The following CUX1 variants were observed in gnomAD, a reference collection of about 807,000 sequenced individuals.
The protein encoded by CUX1 is protein CASP.
CUX1 carries 31 observed loss-of-function variants against 158.8 expected under a neutral mutation model. The ratio of observed to expected loss-of-function variants is 0.20; its 90% CI spans 0.15 to 0.26. CUX1 has a LOEUF of 0.26. Ranked by LOEUF, CUX1 falls within the 10% of genes least tolerant of loss-of-function variation. CUX1 has a pLI of 1.00. For synonymous variants in CUX1, 879 were observed against 862.1 expected, an observed-to-expected ratio of 1.02 and a Z score of -0.34; for missense variants, 1,589 against 2,014.6, an observed-to-expected ratio of 0.79 and a Z score of 4.04.
intron 2 of CUX1, among the ~76,000 whole-genome samples, chr7:101,986,554 G>C (rs1383810010): frequency 1.3e-5 from 2 of 152,130 alleles, no homozygotes; most frequent in African/African-American, 4.8e-5. Flanking sequence ...GGCTCCCCAG[G>C]CCCATCGCTG....
At chr7:102,049,707 G>A (rs413348) in intron 3 of CUX1, among the ~76,000 whole-genome samples, 116,838 of 152,008 alleles carry the variant, frequency 0.77, 45,171 homozygotes, top group East Asian at 0.99. Context: ...AAAGAAAAAC[G>A]GAAACCCATG....
At chr7:102,055,755 G>C (rs1476114047) in intron 3 of CUX1, among the ~76,000 whole-genome samples, 1 of 152,200 alleles carries the variant, frequency 6.6e-6, no homozygotes, top group African/African-American at 2.4e-5. Context: ...TCAAAAGCTA[G>C]AAATGATTAA....
In CUX1 at chr7:102,083,130, A is replaced by C. The variant is rs1169973615; in HGVS notation, c.268+12713A>C. 4.1e-5 allele frequency among the ~76,000 whole-genome samples: 6 copies of C among 147,194 alleles called. 1 individual carries two copies. Among genetic ancestry groups the C allele is most frequent in the Non-Finnish European group, 7.7e-5 (5 of 65,172 alleles). The stretch of plus-strand genomic sequence containing the variant: ...CTCATAAGAAATTGAGAGGAGTTCC[A>C]GTTGCTCCATGTCTTCTGTTTCATC... On this transcript the variant is annotated intron_variant, in intron 4 of 23. Transcript: ENST00000292535.
chr7:101,870,708 G>A (rs1039922767), intron 1 of CUX1, among the ~76,000 whole-genome samples: 14 of 152,192 alleles, frequency 9.2e-5, no homozygotes, highest in African/African-American at 3.4e-4. Context: ...TTACAGAGCG[G>A]CAAACAACCT....
chr7:102,200,406 G>C lies in CUX1; in HGVS notation c.2062+234G>C, dbSNP rs1305162758. Reference sequence around the variant, plus strand: ...TGCCTGTGCTGGAGTGCAGTGGCACGATCTCAGCTCACTGCAACCTCTGCC... The same window carrying C: ...TGCCTGTGCTGGAGTGCAGTGGCACCATCTCAGCTCACTGCAACCTCTGCC... On this transcript the variant is annotated intron_variant, in intron 17 of 23. Coordinates refer to ENST00000292535, the MANE Select transcript of CUX1 (RefSeq NM_181552.4). Among the ~76,000 whole-genome samples, 4 of 152,082 alleles carry C rather than the reference G, an allele frequency of 2.6e-5. No homozygotes were observed. In the East Asian group the frequency reaches 7.7e-4, roughly 29 times the overall value.
In CUX1 at chr7:102,204,523, G is replaced by A; in HGVS notation, c.3040G>A (p.Val1014Ile). The A allele has an allele frequency of 1.2e-6, 2 of 1,613,622 alleles. No individual in the cohort carries two copies. Among genetic ancestry groups the A allele is most frequent in the Non-Finnish European group, 1.7e-6 (2 of 1,180,016 alleles). ...LWLNGELGQG[V>I]LPVQGQQQGP... ...GCTGAACGGCGAGCTAGGCCAGGGTGTTCTACCCGTCCAGGGCCAGCAGCA... is the reference window on the plus strand; with the variant it reads ...GCTGAACGGCGAGCTAGGCCAGGGTATTCTACCCGTCCAGGGCCAGCAGCA... The change falls in exon 19 of 24, where the codon GTT becomes ATT. Residue 1014 changes from valine to isoleucine, a missense_variant. Physicochemically the swap from Val to Ile is conservative, Grantham distance 29 (BLOSUM62 3). Transcript: ENST00000292535.
At chr7:102,170,928 G>A (rs1026204061) in intron 10 of CUX1, among the ~76,000 whole-genome samples, 2 of 151,554 alleles carry the variant, frequency 1.3e-5, no homozygotes, top group Non-Finnish European at 2.9e-5. Context: ...GAGGGTTTCC[G>A]CTGTGCCTTT....
intron 8 of CUX1, among the ~76,000 whole-genome samples, chr7:102,157,684 G>A (rs1470327865): frequency 6.6e-6 from 1 of 152,154 alleles, no homozygotes; most frequent in Non-Finnish European, 1.5e-5. Context: ...GGAGGCTGAG[G>A]CAGGAGAATT....
chr7:102,235,926 G>A (rs1799515909), intron 22 of CUX1, among the ~76,000 whole-genome samples: 1 of 151,982 alleles, frequency 6.6e-6, no homozygotes, highest in Non-Finnish European at 1.5e-5. Context: ...GAAGGAGAGA[G>A]AGTGTCTGGT....
At chr7:102,069,068 G>A (rs1423270540) in intron 3 of CUX1, among the ~76,000 whole-genome samples, 2 of 152,236 alleles carry the variant, frequency 1.3e-5, no homozygotes, top group East Asian at 1.9e-4. Flanking sequence ...TGGGCCTCAC[G>A]TCAACTGTGT....
intron 1 of CUX1, among the ~76,000 whole-genome samples, chr7:101,821,661 T>C: frequency 8.0e-6 from 1 of 125,504 alleles, no homozygotes; most frequent in East Asian, 2.2e-4. Flanking sequence ...CTTTTCTTTT[T>C]TTCTTTTTTC....
intron 2 of CUX1, among the ~76,000 whole-genome samples, chr7:101,992,734 G>C (rs1172255250): frequency 6.6e-6 from 1 of 152,154 alleles, no homozygotes; most frequent in African/African-American, 2.4e-5. Flanking sequence ...TGTTAGCAGG[G>C]GTGCAATTTG....
At chr7:102,092,367 T>A (rs1213477961) in intron 4 of CUX1, among the ~76,000 whole-genome samples, 1 of 152,148 alleles carries the variant, frequency 6.6e-6, no homozygotes, top group Non-Finnish European at 1.5e-5. Context: ...ATCCTTGCGC[T>A]GCCTGGCATT....
chr7:102,219,562 C>T (rs191537283), intron 20 of CUX1, among the ~76,000 whole-genome samples: 16 of 152,306 alleles, frequency 1.1e-4, no homozygotes, highest in Admixed American at 4.6e-4. Flanking sequence ...ACCTTCGCGT[C>T]GGCCCCCCGC....
intron 1 of CUX1, among the ~76,000 whole-genome samples, chr7:101,882,974 G>A (rs1469999452): frequency 6.6e-6 from 1 of 152,198 alleles, no homozygotes; most frequent in Non-Finnish European, 1.5e-5. Context: ...CCAGAGAGCT[G>A]CACCTCTGGG....
intron 8 of CUX1, among the ~76,000 whole-genome samples, chr7:102,117,831 C>T (rs1202323499): frequency 2.6e-5 from 4 of 152,186 alleles, no homozygotes; most frequent in African/African-American, 9.7e-5. Context: ...AGGTTCCGAA[C>T]GATTTGCCTG....
At chr7:102,014,964 C>T (rs1365082070) in intron 2 of CUX1, among the ~76,000 whole-genome samples, 1 of 152,074 alleles carries the variant, frequency 6.6e-6, no homozygotes, top group African/African-American at 2.4e-5. Flanking sequence ...CAAGACCCTG[C>T]CTCCGTGTCC....
chr7:101,934,177 CTG>C (rs1050131078), intron 2 of CUX1, among the ~76,000 whole-genome samples: 5 of 152,172 alleles, frequency 3.3e-5, no homozygotes, highest in African/African-American at 1.2e-4. Context: ...ATTCATCACA[CTG>C]TAACGATGAT....
At chr7:101,852,743 C>G (rs192964489) in intron 1 of CUX1, among the ~76,000 whole-genome samples, 1,340 of 115,728 alleles carry the variant, frequency 0.012, 11 homozygotes, top group Non-Finnish European at 0.017. Flanking sequence ...ATGGAGTGAT[C>G]TTGGTTCACT....
Sources: gnomAD v4.1 joint callset for allele counts (sites outside exome capture counted in the v4.1 genomes callset) on GRCh38, gnomAD v4.1.1 for gene constraint, MANE v1.5 for transcripts, NCBI Gene and HGNC (gene_info 2026-07-23, HGNC 2026-07-21) for gene names.